Variants in DOCK9 observed in about 807,000 individuals in gnomAD.
DOCK9 encodes the protein dedicator of cytokinesis protein 9.
Under a neutral mutation model 263.3 loss-of-function variants are expected in DOCK9, and 89 were observed. The ratio of observed to expected loss-of-function variants is 0.34; its 90% CI spans 0.28 to 0.40. DOCK9 has a LOEUF of 0.40. Ranked by LOEUF, DOCK9 falls within the 10% of genes least tolerant of loss-of-function variation. DOCK9 has a pLI of 1.00. For synonymous variants in DOCK9, 976 were observed against 973.1 expected (o/e 1.00, Z -0.06); for missense variants, 2,140 against 2,603.4 (o/e 0.82, Z 3.87).
chr13:99,087,490 C>G (rs728983), upstream of DOCK9, among the ~76,000 whole-genome samples: 78,887 of 152,088 alleles, frequency 0.52, 20,752 homozygotes, highest in South Asian at 0.68. Context: ...AGGGAAACTG[C>G]GATGCGCCGG....
intron 15 of DOCK9, among the ~76,000 whole-genome samples, chr13:98,896,541 C>A (rs577767084): frequency 2.6e-5 from 4 of 151,912 alleles, no homozygotes; most frequent in Admixed American, 2.6e-4. Flanking sequence ...TAGCATTTGG[C>A]TCTCAGCTAT....
At chr13:99,002,757 G>A (rs995511877) in intron 1 of DOCK9, among the ~76,000 whole-genome samples, 5 of 152,182 alleles carry the variant, frequency 3.3e-5, no homozygotes, top group Admixed American at 6.5e-5. Flanking sequence ...CAGCTGACAC[G>A]CAGGACTCTG....
intron 1 of DOCK9, among the ~76,000 whole-genome samples, chr13:99,057,484 T>C (rs918627743): frequency 4.6e-5 from 7 of 151,184 alleles, no homozygotes; most frequent in African/African-American, 1.7e-4. Context: ...CTCTGATTTC[T>C]TTACTAAGCC....
intron 15 of DOCK9, among the ~76,000 whole-genome samples, chr13:98,892,202 A>G (rs1437264343): frequency 1.3e-5 from 2 of 152,148 alleles, no homozygotes; most frequent in Admixed American, 1.3e-4. Flanking sequence ...AGTGAGGCTC[A>G]AACTCTCTCT....
chr13:98,962,855 G>A (rs1398520045), intron 1 of DOCK9, among the ~76,000 whole-genome samples: 7 of 152,172 alleles, frequency 4.6e-5, no homozygotes, highest in Non-Finnish European at 1.0e-4. Flanking sequence ...GTGTGCCAGG[G>A]AAGACGAAGA....
In DOCK9 at chr13:99,070,653, G is replaced by A. The variant is rs2041629305; in HGVS notation, c.129+15570C>T. On this transcript the variant is annotated intron_variant, in intron 1 of 32. Coordinates refer to the DOCK9 transcript ENST00000427887. Reference sequence around the variant, plus strand: ...TTAAGTACAAAGATCTATGGGGTAAGTGCTATTAAAATGTCCACTCTCTGG... The same window carrying A: ...TTAAGTACAAAGATCTATGGGGTAAATGCTATTAAAATGTCCACTCTCTGG... Among the ~76,000 whole-genome samples the A allele has an allele frequency of 1.3e-5, 2 of 152,232 alleles. 1 individual carries two copies. The highest frequency in any genetic ancestry group is 4.1e-4 in the South Asian group (2 of 4,832).
Position 98,850,109 on chromosome 13 carries a change from A to T in DOCK9, c.3951T>A (p.Ala1317=), listed in dbSNP as rs761792047. 8.6e-6 allele frequency: 13 copies of T among 1,517,136 alleles called. No homozygotes were observed. Among genetic ancestry groups the T allele is most frequent in the Non-Finnish European group, 1.1e-5 (13 of 1,132,546 alleles). The allele number at this position is 1,517,136 out of a possible 1,614,324, so 94.0% of individuals were successfully genotyped here. A position where few individuals can be genotyped will look rare whatever the true frequency, so the allele number is the denominator to read the frequency against. Residue 1317 remains alanine (A), a synonymous_variant, in exon 36 of 53, where the codon GCT becomes GCA. Transcript: ENST00000682017. ...LYILKSMSDD[A]LFTYWNKAST... is the part of the protein sequence containing the mutation. ...AAGCCTTGTTCCAATATGTAAACAA[A>T]GCATCTAGAAAATAAACATTTACTT... is the stretch of plus-strand genomic sequence containing the variant.
upstream of DOCK9, among the ~76,000 whole-genome samples, chr13:98,982,859 CA>C (rs1877524438): frequency 6.6e-6 from 1 of 152,082 alleles, no homozygotes; most frequent in Middle Eastern, 3.2e-3. Flanking sequence ...TTTTATTCTG[CA>C]AAATTTGCTA....
chr13:98,996,119 G>A (rs1880978791), intron 1 of DOCK9, among the ~76,000 whole-genome samples: 2 of 152,188 alleles, frequency 1.3e-5, no homozygotes, highest in African/African-American at 2.4e-5. Context: ...TATACGCACT[G>A]GGATGAGGTA....
intron 27 of DOCK9, among the ~76,000 whole-genome samples, chr13:98,869,177 A>C (rs1366918441): frequency 6.6e-6 from 1 of 152,258 alleles, no homozygotes; most frequent in Non-Finnish European, 1.5e-5. Context: ...GTCTTCTCAC[A>C]ATCAACTTTA....
intron 12 of DOCK9, among the ~76,000 whole-genome samples, 181 bp from the exon 13 acceptor site, chr13:98,902,081 A>G (rs1320660378): frequency 6.6e-6 from 1 of 152,238 alleles, no homozygotes; most frequent in African/African-American, 2.4e-5. Flanking sequence ...TGAGGGAGGT[A>G]ACTAGGAGAA....
chr13:98,804,475 C>T (rs1594152917), intron 49 of DOCK9, among the ~76,000 whole-genome samples: 1 of 152,300 alleles, frequency 6.6e-6, no homozygotes, highest in Non-Finnish European at 1.5e-5. Flanking sequence ...CCACTGAATG[C>T]AGTGAGCTTC....
intron 2 of DOCK9, among the ~76,000 whole-genome samples, chr13:98,943,117 C>T (rs538869596): frequency 4.6e-5 from 7 of 152,340 alleles, no homozygotes; most frequent in South Asian, 2.1e-4. Context: ...AGTTGACCAG[C>T]GCCACACTGC....
At chr13:98,809,538 T>C (rs1361126643) in intron 46 of DOCK9, 73 bp from the exon 47 acceptor site, 2 of 1,281,030 alleles carry the variant, frequency 1.6e-6, no homozygotes, top group African/African-American at 3.0e-5. Flanking sequence ...ACAAATGTGA[T>C]AATGGAGGTG....
chr13:98,810,388 G>A (rs1224798380), intron 45 of DOCK9, 97 bp from the exon 46 acceptor site: 3 of 1,477,176 alleles, frequency 2.0e-6, no homozygotes, highest in Admixed American at 3.8e-5. Context: ...CTGCCAGGAG[G>A]AATTTTTCAC....
chr13:99,072,025 C>A (rs9557132), intron 1 of DOCK9, among the ~76,000 whole-genome samples: 1 of 152,100 alleles, frequency 6.6e-6, no homozygotes, highest in African/African-American at 2.4e-5. Flanking sequence ...ATCTTGAAAC[C>A]CTTCACCCCA....
At chr13:99,086,657 C>G (rs2142533724), upstream of DOCK9, 1 of 146,864 alleles carries the variant, frequency 6.8e-6, no homozygotes, top group East Asian at 2.0e-4. Context: ...CAGCCTCCCT[C>G]GGCGACCACT....
rs552276255 is a variant in DOCK9 at position 98,803,514 on chromosome 13, G to A, written c.5725+1485C>T. 4.6e-5 allele frequency among the ~76,000 whole-genome samples: 7 copies of A among 152,338 alleles called. No homozygotes were observed. In the South Asian group the frequency reaches 1.4e-3, roughly 32 times the overall value. ...GAGTTTCTGATCCAGCAGTTTCGGA[G>A]GTGGGGACCTGGAACTTCCATCTCT... On this transcript the variant is annotated intron_variant, in intron 49 of 52. Transcript: ENST00000682017.
At chr13:98,910,665 G>T (rs2049857659) in intron 9 of DOCK9, among the ~76,000 whole-genome samples, 1 of 152,132 alleles carries the variant, frequency 6.6e-6, no homozygotes, top group Non-Finnish European at 1.5e-5. Context: ...TAGAGGAGCT[G>T]ATTAGAAAAG....
Sources: gnomAD v4.1 joint callset for allele counts (sites outside exome capture counted in the v4.1 genomes callset) on GRCh38, gnomAD v4.1.1 for gene constraint, MANE v1.5 for transcripts, NCBI Gene and HGNC (gene_info 2026-07-23, HGNC 2026-07-21) for gene names.